Variants in DAAM2 observed in about 807,000 individuals in gnomAD.
DAAM2 encodes disheveled-associated activator of morphogenesis 2.
In DAAM2, 39 loss-of-function variants were observed where a neutral mutation model predicts 120.7. The observed-to-expected ratio is 0.32, with a 90% CI of 0.25 to 0.42. DAAM2 has a LOEUF of 0.42. Ranked by LOEUF, DAAM2 falls within the 10% of genes least tolerant of loss-of-function variation. The probability of loss-of-function intolerance (pLI) is 1.00; values close to 1 mark genes in which losing one functional copy is unlikely to be tolerated. For missense variants in DAAM2, 1,283 were observed against 1,401.7 expected (o/e 0.92, Z 1.35); for synonymous variants, 488 against 524.9 (o/e 0.93, Z 0.96).
At chr6:39,801,735 C>T (rs1386971662) in intron 1 of DAAM2, among the ~76,000 whole-genome samples, 1 of 152,200 alleles carries the variant, frequency 6.6e-6, no homozygotes, top group Non-Finnish European at 1.5e-5. Context: ...CAAAGCTTGC[C>T]TGTGTGATGA....
intron 5 of DAAM2, 77 bp downstream of exon 5, chr6:39,865,151 A>G (rs1159967763): frequency 1.2e-6 from 1 of 855,134 alleles, no homozygotes; most frequent in Non-Finnish European, 1.9e-6. Flanking sequence ...AGCCCTGTGC[A>G]GTGCTCTGCT....
At chr6:39,859,951 TAA>T (rs141879553) in intron 2 of DAAM2, among the ~76,000 whole-genome samples, 1,597 of 152,312 alleles carry the variant, frequency 0.01, 28 homozygotes, top group African/African-American at 0.036. Context: ...TTTGAAAATA[TAA>T]AGAGTCATAA....
chr6:39,848,579 G>A (rs948852966), intron 1 of DAAM2: 1 of 152,188 alleles, frequency 6.6e-6, no homozygotes, highest in African/African-American at 2.4e-5. Context: ...GGGTCTCAGC[G>A]ATGCCCCCTG....
Position 39,839,492 on chromosome 6 carries a change from T to C in DAAM2, c.-56-16755T>C, listed in dbSNP as rs1412226096. On this transcript the variant is annotated intron_variant, in intron 1 of 24. Coordinates refer to ENST00000274867, the MANE Select transcript of DAAM2 (RefSeq NM_001201427.2). ...AGAGCTGGGAAACTCAGGATATTGT[T>C]TAAGCAGGTAGTCTGTTCAGTGGTT... Among the ~76,000 whole-genome samples the C allele has an allele frequency of 2.0e-5, 3 of 152,226 alleles. No homozygotes were observed. In the East Asian group the frequency reaches 5.8e-4, roughly 29 times the overall value.
Position 39,867,631 on chromosome 6 carries a change from T to C in DAAM2, c.550T>C (p.Leu184=), listed in dbSNP as rs368626143. The stretch of plus-strand genomic sequence containing the variant: ...CTCACTCATTGGCTGCATCAAAGCA[T>C]TGATGAACAACTCCCAGGGGCGGGC... The part of the protein sequence containing the change: ...HTSLIGCIKA[L]MNNSQGRAHV... The change falls in exon 6 of 25, where the codon TTG becomes CTG. Residue 184 remains leucine, a synonymous_variant. Coordinates refer to ENST00000274867, the MANE Select transcript of DAAM2 (RefSeq NM_001201427.2). 2.1e-4 allele frequency: 335 copies of C among 1,613,896 alleles called. No homozygotes were observed. Among genetic ancestry groups the C allele is most frequent in the Admixed American group, 3.0e-4 (18 of 60,006 alleles).
At chr6:39,851,114 G>C (rs563218862) in intron 1 of DAAM2, among the ~76,000 whole-genome samples, 1 of 152,314 alleles carries the variant, frequency 6.6e-6, no homozygotes, top group Admixed American at 6.5e-5. Flanking sequence ...AGATTGCCCA[G>C]CTGTGAGAAC....
chr6:39,843,828 A>T (rs746556310), intron 1 of DAAM2, among the ~76,000 whole-genome samples: 2 of 151,958 alleles, frequency 1.3e-5, no homozygotes, highest in African/African-American at 2.4e-5. Context: ...GTGAGCTGGG[A>T]TGGGGAGATG....
At chr6:39,804,490 C>A (rs1344901008) in intron 1 of DAAM2, among the ~76,000 whole-genome samples, 1 of 151,700 alleles carries the variant, frequency 6.6e-6, no homozygotes, top group Non-Finnish European at 1.5e-5. Flanking sequence ...GAGCTGACGC[C>A]TATTGCACTG....
chr6:39,873,261 T>C lies in DAAM2; in HGVS notation c.1068T>C (p.Ala356=). 6.2e-7 allele frequency: 1 copy of C among 1,613,036 alleles called. No individual in the cohort carries two copies. The highest frequency in any genetic ancestry group is 1.1e-5 in the South Asian group (1 of 90,684). Reference sequence around the variant, plus strand: ...AGGTCCACATCGACACCAAGAGTGCTTCCCAGATGTTTGAGTTGATCCACA... The same window carrying C: ...AGGTCCACATCGACACCAAGAGTGCCTCCCAGATGTTTGAGTTGATCCACA... ...FDMVHIDTKS[A]SQMFELIHKK... Residue 356 remains alanine (A), a synonymous_variant, in exon 10 of 25, where the codon GCT becomes GCC. Transcript: ENST00000274867.
intron 1 of DAAM2, among the ~76,000 whole-genome samples, chr6:39,832,690 TG>T (rs1319010227): frequency 6.6e-6 from 1 of 152,136 alleles, no homozygotes; most frequent in Non-Finnish European, 1.5e-5. Context: ...CTGAATGGTC[TG>T]GCTTCCTGGG....
chr6:39,900,172 C>T lies in DAAM2; in HGVS notation c.2775C>T (p.Ser925=), dbSNP rs754385047. 1.0e-5 allele frequency: 16 copies of T among 1,607,778 alleles called. No homozygotes were observed. The highest frequency in any genetic ancestry group is 3.4e-5 in the Admixed American group (2 of 59,414). The change falls in exon 23 of 25, where the codon TCC becomes TCT. Residue 925 remains serine (S), a synonymous_variant. Coordinates refer to ENST00000274867, the MANE Select transcript of DAAM2 (RefSeq NM_001201427.2). ...DFITVSSFSF[S]ELEDQLNEAR... ...TCACGGTGTCCAGCTTCAGCTTCTC[C>T]GAGCTGGAGGACCAGCTAAATGAGG... is the stretch of plus-strand genomic sequence containing the variant.
At chr6:39,811,428 A>G (rs1762158784) in intron 1 of DAAM2, among the ~76,000 whole-genome samples, 1 of 152,088 alleles carries the variant, frequency 6.6e-6, no homozygotes, top group Admixed American at 6.5e-5. Context: ...TACATTGACT[A>G]TTTCAGGACA....
chr6:39,897,061 C>T (rs960658594), intron 20 of DAAM2, 81 bp downstream of exon 20: 36 of 1,518,998 alleles, frequency 2.4e-5, no homozygotes, highest in South Asian at 7.4e-5. Flanking sequence ...TCTATTAGGA[C>T]GGGAACATCC....
intron 16 of DAAM2, 91 bp downstream of exon 16, chr6:39,887,683 C>T: frequency 1.2e-6 from 1 of 829,014 alleles, no homozygotes; most frequent in Non-Finnish European, 2.0e-6. Flanking sequence ...CTCTCCCTCT[C>T]TGCTGTCCCC....
chr6:39,831,061 T>C (rs997533551), intron 1 of DAAM2, among the ~76,000 whole-genome samples: 9 of 152,214 alleles, frequency 5.9e-5, no homozygotes, highest in Admixed American at 1.3e-4. Flanking sequence ...TGGGGAGTTA[T>C]GTAACTTGCC....
At chr6:39,809,094 G>A (rs1385399547) in intron 1 of DAAM2, among the ~76,000 whole-genome samples, 1 of 152,306 alleles carries the variant, frequency 6.6e-6, no homozygotes, top group Non-Finnish European at 1.5e-5. Flanking sequence ...ACTCAGGAAG[G>A]AGCAGCACCA....
At chr6:39,804,122 C>T (rs1358067069) in intron 1 of DAAM2, among the ~76,000 whole-genome samples, 5 of 152,170 alleles carry the variant, frequency 3.3e-5, no homozygotes, top group Non-Finnish European at 5.9e-5. Flanking sequence ...ATGTGGCATC[C>T]TCCCCAGCCT....
intron 19 of DAAM2, among the ~76,000 whole-genome samples, chr6:39,894,841 A>C (rs1320306994): frequency 6.6e-6 from 1 of 151,796 alleles, no homozygotes; most frequent in Non-Finnish European, 1.5e-5. Context: ...CTGGTCTCAA[A>C]CTCCTGGGCC....
At chr6:39,852,057 A>G (rs1460638778) in intron 1 of DAAM2, among the ~76,000 whole-genome samples, 1 of 152,220 alleles carries the variant, frequency 6.6e-6, no homozygotes, top group Non-Finnish European at 1.5e-5. Context: ...AGTCTTGAGG[A>G]GACCTTGTCC....
Sources: allele counts gnomAD v4.1 joint callset (sites outside exome capture counted in the v4.1 genomes callset), GRCh38; gene constraint gnomAD v4.1.1; transcripts MANE v1.5; gene names NCBI Gene and HGNC (gene_info 2026-07-23, HGNC 2026-07-21).